The following MDH1 variants were observed in gnomAD, a reference collection of about 807,000 sequenced individuals.
MDH1 encodes the protein malate dehydrogenase, cytoplasmic.
MDH1 carries 15 observed loss-of-function variants against 38.7 expected under a neutral mutation model. The ratio of observed to expected loss-of-function variants is 0.39; its 90% CI spans 0.26 to 0.60. The LOEUF (loss-of-function observed/expected upper bound fraction) is 0.60. Ranked by LOEUF, MDH1 falls within the 20% of genes least tolerant of loss-of-function variation. The pLI, the probability that MDH1 is intolerant of heterozygous loss-of-function variation, is 0.56. For missense variants in MDH1, 368 were observed against 405.2 expected, an observed-to-expected ratio of 0.91 and a Z score of 0.79; for synonymous variants, 144 against 143.6, an observed-to-expected ratio of 1.00 and a Z score of -0.02.
chr2:63,603,926 G>T (rs1313728526), intron 5 of MDH1, among the ~76,000 whole-genome samples: 5 of 152,128 alleles, frequency 3.3e-5, no homozygotes, highest in Admixed American at 2.0e-4. Flanking sequence ...CAAAGTGCTG[G>T]GATTACAGGC....
chr2:63,598,341 C>T (rs1318575235), intron 4 of MDH1, among the ~76,000 whole-genome samples: 2 of 152,044 alleles, frequency 1.3e-5, no homozygotes, highest in African/African-American at 4.8e-5. Context: ...GTTGGCCAGG[C>T]TGGTCTCGAA....
At chr2:63,596,318 C>T (rs1197266761) in intron 3 of MDH1, among the ~76,000 whole-genome samples, 1 of 152,172 alleles carries the variant, frequency 6.6e-6, no homozygotes, top group Admixed American at 6.5e-5. Context: ...GTTGAATAAA[C>T]ATTTGCTAGA....
At chr2:63,602,455 A>G (rs1048276113) in intron 5 of MDH1, among the ~76,000 whole-genome samples, 1 of 150,224 alleles carries the variant, frequency 6.7e-6, no homozygotes. Context: ...CATTGATGGT[A>G]CCTTACATAA....
At chr2:63,604,637 T>A in intron 5 of MDH1, 59 bp from the exon 6 acceptor site, 1 of 1,365,658 alleles carries the variant, frequency 7.3e-7, no homozygotes, top group Non-Finnish European at 1.0e-6. Flanking sequence ...TCAAAACAGG[T>A]CCCAATTGGA....
rs140158940 is a variant in MDH1 at position 63,601,310 on chromosome 2, T to G, written c.498+2018T>G. Among the ~76,000 whole-genome samples, 25 of 152,336 alleles carry G rather than the reference T, an allele frequency of 1.6e-4. 1 individual carries two copies. The East Asian group carries it at 4.6e-3, about 28-fold the overall frequency. On this transcript the variant is annotated intron_variant, in intron 5 of 8. Coordinates refer to ENST00000233114, the MANE Select transcript of MDH1 (RefSeq NM_005917.4). Reference sequence around the variant, plus strand: ...GGACTGGTTGCTAGATATTTTTGTCTTGGAATTCAGAGGCCTTAGCGACTT... The same window carrying G: ...GGACTGGTTGCTAGATATTTTTGTCGTGGAATTCAGAGGCCTTAGCGACTT...
chr2:63,601,033 A>C (rs1385026665), intron 5 of MDH1, among the ~76,000 whole-genome samples: 1 of 152,214 alleles, frequency 6.6e-6, no homozygotes, highest in Non-Finnish European at 1.5e-5. Flanking sequence ...CTGGTGCCTG[A>C]AACAGTTCTC....
In MDH1 at chr2:63,604,105, A is replaced by T. The variant is rs1575726480; in HGVS notation, c.499-591A>T. Among the ~76,000 whole-genome samples the T allele has an allele frequency of 2.6e-5, 4 of 152,400 alleles. No homozygotes were observed. In the South Asian group the frequency reaches 8.3e-4, roughly 32 times the overall value. ...AGTGTATATATGTGTGTACACACAC[A>T]CACATACACATATATAAAACCTCTT... On this transcript the variant is annotated intron_variant, in intron 5 of 8. Coordinates refer to ENST00000233114, the MANE Select transcript of MDH1 (RefSeq NM_005917.4).
intron 1 of MDH1, chr2:63,589,342 C>T (rs1190518663): frequency 6.4e-7 from 1 of 1,550,648 alleles, no homozygotes; most frequent in Admixed American, 2.0e-5. Context: ...GACGCTGCAG[C>T]TATTTTCCAA....
At chr2:63,595,368 T>C in intron 2 of MDH1, 55 bp from the exon 3 acceptor site, 1 of 1,075,992 alleles carries the variant, frequency 9.3e-7, no homozygotes, top group African/African-American at 1.5e-5. Flanking sequence ...AAAGACTTTC[T>C]TGTGTCTAAA....
intron 1 of MDH1, 91 bp downstream of exon 1, chr2:63,589,137 G>C: frequency 6.2e-7 from 1 of 1,613,726 alleles, no homozygotes; most frequent in Non-Finnish European, 8.5e-7. Flanking sequence ...GGAGGCAGCT[G>C]TGCAAGGCAC....
chr2:63,599,483 AC>A, intron 5 of MDH1, 191 bp downstream of exon 5: 1 of 451,986 alleles, frequency 2.2e-6, no homozygotes, highest in Non-Finnish European at 3.7e-6. Context: ...CTCTTAAAGG[AC>A]CAGAGGCTGG....
chr2:63,599,599 G>A (rs77618569), intron 5 of MDH1: 15 of 185,342 alleles, frequency 8.1e-5, no homozygotes, highest in Non-Finnish European at 1.1e-5. Context: ...AGTTATACAT[G>A]ATGGTACATA....
chr2:63,597,434 A>G lies in MDH1; in HGVS notation c.235A>G (p.Lys79Glu), dbSNP rs2106611562. The change falls in exon 4 of 9, where the codon AAA becomes GAA. Residue 79 changes from lysine to glutamate, a missense_variant. Lys to Glu is a moderately conservative substitution (Grantham distance 56). Coordinates refer to ENST00000233114, the MANE Select transcript of MDH1 (RefSeq NM_005917.4). ...IATDKEDVAF[K>E]DLDVAILVGS... ...AACAGATAAAGAAGACGTTGCCTTC[A>G]AAGACCTGGATGTGGCCATTCTTGT... The G allele has an allele frequency of 1.4e-6, 2 of 1,455,790 alleles. No homozygotes were observed. The highest frequency in any genetic ancestry group is 2.6e-5 in the East Asian group (1 of 38,742). 90.2% of individuals were successfully genotyped at this position (1,455,790 alleles called of 1,614,324 possible). A position where few individuals can be genotyped will look rare whatever the true frequency, so the allele number is the denominator to read the frequency against.
Position 63,605,993 on chromosome 2 carries a change from G to A in MDH1, c.844G>A (p.Asp282Asn), listed in dbSNP as rs372445349. 13 of 1,614,142 alleles carry A rather than the reference G, an allele frequency of 8.1e-6. No individual in the cohort carries two copies. The highest frequency in any genetic ancestry group is 1.0e-5 in the Non-Finnish European group (12 of 1,180,002). Residue 282 changes from aspartate (D) to asparagine (N), a missense_variant, in exon 8 of 9, where the codon GAT becomes AAT. By Grantham distance (23) the Asp-to-Asn change is conservative. Coordinates refer to ENST00000233114, the MANE Select transcript of MDH1 (RefSeq NM_005917.4). ...ISDGNSYGVP[D>N]DLLYSFPVVI... The stretch of plus-strand genomic sequence containing the variant: ...TGATGGCAACTCCTATGGTGTTCCT[G>A]ATGATCTGCTCTACTCATTCCCTGT...
chr2:63,604,262 CTAAATA>C (rs1467990766), intron 5 of MDH1, among the ~76,000 whole-genome samples: 6 of 151,738 alleles, frequency 4.0e-5, no homozygotes, highest in African/African-American at 1.5e-4. Flanking sequence ...AAAATTTTAC[CTAAATA>C]TAAAGTGCCT....
chr2:63,599,275 A>T lies in MDH1; in HGVS notation c.481A>T (p.Asn161Tyr), dbSNP rs1484264036. The change falls in exon 5 of 9, where the codon AAC (asparagine) becomes TAC (tyrosine). Residue 161 changes from asparagine (N) to tyrosine (Y), a missense_variant. Physicochemically the swap from Asn to Tyr is moderately radical, Grantham distance 143. Coordinates refer to ENST00000233114, the MANE Select transcript of MDH1 (RefSeq NM_005917.4). ...CAGTTGCTTGACTCGTTTGGATCAC[A>T]ACCGAGCTAAAGCTCAAGTAAGAAA... Reference protein sequence around the residue: ...NFSCLTRLDHNRAKAQIALKL... With the variant: ...NFSCLTRLDHYRAKAQIALKL... The T allele has an allele frequency of 3.7e-6, 6 of 1,612,702 alleles. No individual in the cohort carries two copies. Among genetic ancestry groups the T allele is most frequent in the Non-Finnish European group, 5.1e-6 (6 of 1,179,270 alleles).
chr2:63,597,713 G>T, intron 4 of MDH1, 139 bp downstream of exon 4: 1 of 665,014 alleles, frequency 1.5e-6, no homozygotes, highest in African/African-American at 1.9e-5. Flanking sequence ...CTAGAGTTTT[G>T]CTTGATAAGC....
In MDH1 at chr2:63,604,508, C is replaced by T. The variant is rs577349173; in HGVS notation, c.499-188C>T. Among the ~76,000 whole-genome samples, 4 of 152,280 alleles carry T rather than the reference C, an allele frequency of 2.6e-5. 1 individual carries two copies. Among genetic ancestry groups the T allele is most frequent in the African/African-American group, 9.6e-5 (4 of 41,556 alleles). ...AAGGTTTCAAGTCCACAGTTGTTACCACTGTTAAGCTGTTGTAGGAAATTG... is the reference window on the plus strand; with the variant it reads ...AAGGTTTCAAGTCCACAGTTGTTACTACTGTTAAGCTGTTGTAGGAAATTG... On this transcript the variant is annotated intron_variant, in intron 5 of 8. Transcript: ENST00000233114.
chr2:63,601,779 G>C (rs1709422974), intron 5 of MDH1, among the ~76,000 whole-genome samples: 1 of 152,192 alleles, frequency 6.6e-6, no homozygotes, highest in South Asian at 2.1e-4. Context: ...CTGTACTTGG[G>C]AGCATTGAAG....
Sources: allele counts gnomAD v4.1 joint callset (sites outside exome capture counted in the v4.1 genomes callset), GRCh38; gene constraint gnomAD v4.1.1; transcripts MANE v1.5; gene names NCBI Gene and HGNC (gene_info 2026-07-23, HGNC 2026-07-21).